Variants in DCC observed in about 807,000 individuals in gnomAD.
DCC encodes DCC netrin 1 receptor.
A neutral mutation model predicts 172.5 loss-of-function variants in DCC; 58 were observed. The ratio of observed to expected loss-of-function variants is 0.34; its 90% CI spans 0.27 to 0.42. DCC has a LOEUF of 0.42. DCC is among the 10% of genes least tolerant of loss of function. The pLI is 1.00. For synonymous variants in DCC, 709 were observed against 644.5 expected (o/e 1.10, Z -1.52); for missense variants, 1,740 against 1,791.0 (o/e 0.97, Z 0.51).
chr18:52,758,573 A>G (rs946234363), intron 2 of DCC, among the ~76,000 whole-genome samples: 3 of 152,160 alleles, frequency 2.0e-5, no homozygotes, highest in South Asian at 4.1e-4. Context: ...TAAATGAGTT[A>G]TGAAATAATT....
At chr18:52,594,099 A>G (rs2033858734) in intron 1 of DCC, among the ~76,000 whole-genome samples, 1 of 152,150 alleles carries the variant, frequency 6.6e-6, no homozygotes, top group Non-Finnish European at 1.5e-5. Context: ...TTTACTCGGG[A>G]TTTGCCTCTT....
intron 21 of DCC, among the ~76,000 whole-genome samples, chr18:53,429,725 G>T (rs1228792908): frequency 6.6e-6 from 1 of 152,040 alleles, no homozygotes; most frequent in Non-Finnish European, 1.5e-5. Context: ...TAAAACCAAA[G>T]GTTTTGAAGA....
intron 5 of DCC, among the ~76,000 whole-genome samples, chr18:52,977,687 C>G (rs1320132456): frequency 6.6e-6 from 1 of 151,868 alleles, no homozygotes; most frequent in African/African-American, 2.4e-5. Flanking sequence ...AGATTGAGAC[C>G]ATCCTGGCTA....
chr18:53,070,410 C>A (rs2042636951), intron 7 of DCC, among the ~76,000 whole-genome samples: 2 of 152,126 alleles, frequency 1.3e-5, no homozygotes, highest in Non-Finnish European at 2.9e-5. Flanking sequence ...CGGATGACAG[C>A]AGAAAAATAA....
chr18:52,694,287 T>C (rs943535016), intron 1 of DCC, among the ~76,000 whole-genome samples: 1 of 152,074 alleles, frequency 6.6e-6, no homozygotes, highest in African/African-American at 2.4e-5. Context: ...CAGTGGAGAC[T>C]AAAAAGATAT....
chr18:53,180,446 C>A (rs1438450592), intron 9 of DCC, among the ~76,000 whole-genome samples: 1 of 152,068 alleles, frequency 6.6e-6, no homozygotes, highest in Non-Finnish European at 1.5e-5. Context: ...TTTCTGTTTG[C>A]AAAATAAAAA....
At chr18:53,409,049 G>A in intron 19 of DCC, among the ~76,000 whole-genome samples, 1 of 152,144 alleles carries the variant, frequency 6.6e-6, no homozygotes, top group South Asian at 2.1e-4. Flanking sequence ...GGAGAGGAGA[G>A]CTTGTGATTG....
chr18:53,402,130 G>A (rs1255371484), intron 18 of DCC, among the ~76,000 whole-genome samples: 4 of 152,158 alleles, frequency 2.6e-5, no homozygotes, highest in African/African-American at 9.6e-5. Context: ...ATAGACTTAG[G>A]TGACATTTTT....
intron 1 of DCC, among the ~76,000 whole-genome samples, chr18:52,460,361 C>A (rs567705250): frequency 3.3e-5 from 5 of 152,266 alleles, no homozygotes; most frequent in African/African-American, 1.2e-4. Flanking sequence ...CTCTCCATAG[C>A]ATTTGATCTA....
intron 2 of DCC, among the ~76,000 whole-genome samples, chr18:52,850,555 C>G (rs1344545831): frequency 1.3e-5 from 2 of 152,032 alleles, no homozygotes; most frequent in Non-Finnish European, 2.9e-5. Context: ...GAACGTATGA[C>G]TACAATGTGT....
At chr18:52,546,403 G>A (rs115727764) in intron 1 of DCC, among the ~76,000 whole-genome samples, 212 of 152,190 alleles carry the variant, frequency 1.4e-3, no homozygotes, top group African/African-American at 4.4e-3. Context: ...TAACATATAT[G>A]TAGGGAGCAG....
chr18:52,520,438 T>G (rs1240756947), intron 1 of DCC, among the ~76,000 whole-genome samples: 1 of 152,220 alleles, frequency 6.6e-6, no homozygotes, highest in Non-Finnish European at 1.5e-5. Flanking sequence ...TACATACACA[T>G]TTTAATTTTG....
Position 52,625,264 on chromosome 18 carries a change from G to C in DCC, c.92-126790G>C, listed in dbSNP as rs142408923. On this transcript the variant is annotated intron_variant, in intron 1 of 28. Coordinates refer to ENST00000442544, the MANE Select transcript of DCC (RefSeq NM_005215.4). ...AAATTTAGAGAAGAGAGAAATGTGA[G>C]ATAGGGAATCTTTTTGAATGGTGTA... 4.7e-3 allele frequency among the ~76,000 whole-genome samples: 708 copies of C among 152,236 alleles called. 9 individuals carry two copies. The highest frequency in any genetic ancestry group is 0.016 in the African/African-American group (684 of 41,532).
intron 12 of DCC, among the ~76,000 whole-genome samples, chr18:53,220,200 A>G (rs2144589523): frequency 6.6e-6 from 1 of 152,214 alleles, no homozygotes; most frequent in Non-Finnish European, 1.5e-5. Context: ...GTATGTGTGT[A>G]TTCAGTTTTG....
At chr18:53,050,191 G>T (rs1246447530) in intron 5 of DCC, among the ~76,000 whole-genome samples, 2 of 152,000 alleles carry the variant, frequency 1.3e-5, no homozygotes, top group African/African-American at 4.8e-5. Flanking sequence ...CAGCAGAGTG[G>T]ATGGTGCCCA....
At chr18:53,378,885 G>GA (rs113956754) in intron 15 of DCC, among the ~76,000 whole-genome samples, 19,954 of 151,854 alleles carry the variant, frequency 0.13, 1,453 homozygotes, top group East Asian at 0.21. Context: ...TTCTAGAAAA[G>GA]AAAAAAAGAA....
intron 2 of DCC, among the ~76,000 whole-genome samples, chr18:52,799,413 T>G (rs1339338738): frequency 6.6e-6 from 1 of 152,146 alleles, no homozygotes; most frequent in Non-Finnish European, 1.5e-5. Context: ...TGGGTATACA[T>G]GTAACAAGGA....
At chr18:52,390,674 G>A (rs1053505652) in intron 1 of DCC, among the ~76,000 whole-genome samples, 1 of 152,000 alleles carries the variant, frequency 6.6e-6, no homozygotes, top group Non-Finnish European at 1.5e-5. Context: ...GGAGACTCAT[G>A]GTCTCTTAGG....
chr18:53,291,878 G>T (rs2057009063), intron 12 of DCC, among the ~76,000 whole-genome samples: 1 of 152,016 alleles, frequency 6.6e-6, no homozygotes, highest in African/African-American at 2.4e-5. Context: ...TAAACTCTAG[G>T]GAACAACCAA....
Sources: gnomAD v4.1 joint callset for allele counts (sites outside exome capture counted in the v4.1 genomes callset) on GRCh38, gnomAD v4.1.1 for gene constraint, MANE v1.5 for transcripts, NCBI Gene and HGNC (gene_info 2026-07-23, HGNC 2026-07-21) for gene names.